Variants in TPM1 observed in about 807,000 individuals in gnomAD.
TPM1 encodes the protein tropomyosin 1, also known as tropomyosin alpha-1 chain.
In TPM1, 24 loss-of-function variants were observed where a neutral mutation model predicts 42.9. The ratio of observed to expected loss-of-function variants is 0.56; its 90% CI spans 0.41 to 0.79. TPM1 has a LOEUF of 0.79. Ranked by LOEUF, TPM1 falls within the 30% of genes least tolerant of loss-of-function variation. The probability of loss-of-function intolerance (pLI) is 0.00; values close to 1 mark genes in which losing one functional copy is unlikely to be tolerated. For missense variants in TPM1, 158 were observed against 351.8 expected (o/e 0.45, Z 4.41); for synonymous variants, 136 against 130.1 (o/e 1.05, Z -0.31).
chr15:63,058,602 G>A (rs1257795976), intron 3 of TPM1, among the ~76,000 whole-genome samples: 3 of 152,082 alleles, frequency 2.0e-5, no homozygotes, highest in East Asian at 1.9e-4. Context: ...CCAGCTACTC[G>A]GGAGGCTGAG....
downstream of TPM1, among the ~76,000 whole-genome samples, chr15:63,068,754 G>A (rs1297759816): frequency 6.6e-6 from 1 of 152,146 alleles, no homozygotes; most frequent in East Asian, 1.9e-4. Context: ...GTGTCAGTGT[G>A]TAAAATGTAT....
chr15:63,063,034 ATCT>A (rs2035860878), intron 8 of TPM1: 5 of 1,327,862 alleles, frequency 3.8e-6, no homozygotes, highest in Non-Finnish European at 3.8e-6. Flanking sequence ...AGAAGAACCC[ATCT>A]TCTTCCAAGT....
downstream of TPM1, among the ~76,000 whole-genome samples, chr15:63,066,846 G>A (rs532025018): frequency 6.6e-6 from 1 of 151,988 alleles, no homozygotes; most frequent in South Asian, 2.1e-4. Flanking sequence ...GTGTTCAATG[G>A]CTGTGTTTTC....
At chr15:63,048,720 C>T in intron 2 of TPM1, 1 of 1,535,168 alleles carries the variant, frequency 6.5e-7, no homozygotes, top group Non-Finnish European at 8.8e-7. Flanking sequence ...AAGGGATACA[C>T]CCATCACCCC....
exon 9 of TPM1, chr15:63,071,250 A>G (rs1595700334): frequency 1.4e-6 from 2 of 1,471,074 alleles, no homozygotes; most frequent in East Asian, 2.3e-5. Flanking sequence ...CTTAAATGCA[A>G]TTTATTTACT....
chr15:63,051,059 C>T (rs2033755650), intron 2 of TPM1, among the ~76,000 whole-genome samples: 2 of 152,138 alleles, frequency 1.3e-5, no homozygotes, highest in Non-Finnish European at 2.9e-5. Context: ...AATGAGGCTA[C>T]TTTGCTTGAC....
At chr15:63,058,893 T>C (rs2035198056) in intron 3 of TPM1, among the ~76,000 whole-genome samples, 1 of 152,210 alleles carries the variant, frequency 6.6e-6, no homozygotes, top group South Asian at 2.1e-4. Flanking sequence ...AGGACCCTAA[T>C]ACACTCAGTG....
In TPM1 at chr15:63,061,869, A is replaced by T. The variant is rs587777906; in HGVS notation, c.639+81A>T. Reference sequence around the variant, plus strand: ...GGCCCTGCCAGAAAGCAACACTTACAGTAGACATTTTAGTAAAATGGCAAT... The same window carrying T: ...GGCCCTGCCAGAAAGCAACACTTACTGTAGACATTTTAGTAAAATGGCAAT... On this transcript the variant is annotated intron_variant, in intron 6 of 9. Transcript: ENST00000403994. 3 of 1,252,834 alleles carry T rather than the reference A, an allele frequency of 2.4e-6. No individual in the cohort carries two copies. The highest frequency in any genetic ancestry group is 3.5e-6 in the Non-Finnish European group (3 of 861,792). 77.6% of individuals were successfully genotyped at this position (1,252,834 alleles called of 1,614,324 possible).
chr15:63,062,501 C>G (rs1272611394), intron 7 of TPM1, 75 bp from the exon 8 acceptor site: 11 of 1,532,514 alleles, frequency 7.2e-6, no homozygotes, highest in Non-Finnish European at 9.9e-6. Context: ...TCATTTTCAT[C>G]CTCTAGTTTT....
intron 2 of TPM1, chr15:63,044,595 C>G (rs1001384371): frequency 3.3e-5 from 11 of 328,794 alleles, no homozygotes; most frequent in Non-Finnish European, 6.2e-5. Flanking sequence ...TTCAGAGAAC[C>G]TGGCCTCTAA....
intron 2 of TPM1, among the ~76,000 whole-genome samples, chr15:63,054,120 G>T (rs1437440166): frequency 6.6e-6 from 1 of 152,124 alleles, no homozygotes; most frequent in African/African-American, 2.4e-5. Flanking sequence ...GGCCTCCTCA[G>T]GAAGGGGCAG....
At chr15:63,069,620 C>T (rs999980900), downstream of TPM1, among the ~76,000 whole-genome samples, 8 of 152,174 alleles carry the variant, frequency 5.3e-5, no homozygotes, top group African/African-American at 1.9e-4. Flanking sequence ...TATCCTGTTG[C>T]TCCTCCTCCC....
chr15:63,042,973 C>A, intron 1 of TPM1, 30 bp downstream of exon 1: 1 of 1,558,484 alleles, frequency 6.4e-7, no homozygotes, highest in Non-Finnish European at 8.7e-7. Flanking sequence ...TGCGCCCGCG[C>A]CCAGAGCGCC....
intron 2 of TPM1, among the ~76,000 whole-genome samples, chr15:63,050,987 A>G (rs2140801910): frequency 6.6e-6 from 1 of 152,336 alleles, no homozygotes; most frequent in African/African-American, 2.4e-5. Flanking sequence ...TGGAAAAAGC[A>G]GCCATCCCTT....
downstream of TPM1, chr15:63,066,280 A>G (rs1342156401): frequency 3.3e-6 from 3 of 904,774 alleles, no homozygotes; most frequent in South Asian, 2.7e-5. Context: ...TTGAACTTCA[A>G]AAAAATACCC....
intron 3 of TPM1, among the ~76,000 whole-genome samples, chr15:63,057,527 G>A (rs17753220): frequency 0.12 from 18,941 of 152,248 alleles, 1,444 homozygotes; most frequent in Admixed American, 0.24. Flanking sequence ...TAAAGGAACT[G>A]TGGACTATCA....
intron 1 of TPM1, chr15:63,043,324 A>C (rs1596299109): frequency 1.8e-6 from 1 of 540,664 alleles, no homozygotes; most frequent in Admixed American, 2.2e-5. Context: ...AAGTTCGTTG[A>C]CTTTTGACTG....
rs1444167903 is a variant in TPM1, at chr15:63,062,560, A to G, written c.703-16A>G. The stretch of plus-strand genomic sequence containing the variant: ...ACATAAAACTTCCCAACTTTAACTC[A>G]AATAAATCATTACAGGCTGAGACTC... On this transcript the variant is annotated splice_polypyrimidine_tract_variant and intron_variant, in intron 7 of 9. Transcript: ENST00000403994. 2.5e-6 allele frequency: 4 copies of G among 1,614,182 alleles called. No individual in the cohort carries two copies. In the Admixed American group the frequency reaches 6.7e-5, roughly 27 times the overall value.
intron 9 of TPM1, chr15:63,065,170 G>A: frequency 1.0e-6 from 1 of 985,482 alleles, no homozygotes; most frequent in Non-Finnish European, 1.2e-6. Context: ...AGTAAGAGTT[G>A]GAGTAGGTAG....
Sources: gnomAD v4.1 joint callset for allele counts (sites outside exome capture counted in the v4.1 genomes callset) on GRCh38, gnomAD v4.1.1 for gene constraint, MANE v1.5 for transcripts, NCBI Gene and HGNC (gene_info 2026-07-23, HGNC 2026-07-21) for gene names.